Variants in DPP10 observed in about 807,000 individuals in gnomAD.
DPP10 encodes dipeptidyl peptidase like 10, also known as inactive dipeptidyl peptidase 10.
In DPP10, 33 loss-of-function variants were observed where a neutral mutation model predicts 120.9. That is an observed-to-expected ratio of 0.27 (90% CI 0.21 to 0.37). DPP10 has a LOEUF of 0.37. Ranked by LOEUF, DPP10 falls within the 10% of genes least tolerant of loss-of-function variation. The probability of loss-of-function intolerance (pLI) is 1.00; values close to 1 mark genes in which losing one functional copy is unlikely to be tolerated. For synonymous variants in DPP10, 337 were observed against 326.1 expected, an observed-to-expected ratio of 1.03 and a Z score of -0.36; for missense variants, 816 against 942.8, an observed-to-expected ratio of 0.87 and a Z score of 1.76.
chr2:114,800,557 A>G (rs1178602754), intron 1 of DPP10, among the ~76,000 whole-genome samples: 1 of 152,208 alleles, frequency 6.6e-6, no homozygotes, highest in Non-Finnish European at 1.5e-5. Flanking sequence ...CCATGAAAAT[A>G]GACACAGTGT....
chr2:115,055,352 A>G (rs1248097521), intron 1 of DPP10, among the ~76,000 whole-genome samples: 1 of 152,190 alleles, frequency 6.6e-6, no homozygotes, highest in Non-Finnish European at 1.5e-5. Context: ...AACTTACTCC[A>G]AAGACTACCA....
At chr2:114,574,356 T>C (rs1689894015) in intron 1 of DPP10, among the ~76,000 whole-genome samples, 2 of 152,152 alleles carry the variant, frequency 1.3e-5, no homozygotes, top group African/African-American at 4.8e-5. Flanking sequence ...ATCCCCGCCC[T>C]GCACAGCGTC....
At chr2:115,612,330 G>C (rs539984212) in intron 5 of DPP10, among the ~76,000 whole-genome samples, 1 of 152,258 alleles carries the variant, frequency 6.6e-6, no homozygotes, top group Admixed American at 6.5e-5. Context: ...GAAAGCAAGA[G>C]TGTTTTATTA....
intron 1 of DPP10, among the ~76,000 whole-genome samples, chr2:114,959,255 A>G (rs937882669): frequency 6.6e-6 from 1 of 152,176 alleles, no homozygotes. Flanking sequence ...TTTTAAGTAT[A>G]TTCACAATCA....
chr2:114,811,711 T>C (rs1319644822), intron 1 of DPP10, among the ~76,000 whole-genome samples: 1 of 151,946 alleles, frequency 6.6e-6, no homozygotes, highest in Non-Finnish European at 1.5e-5. Flanking sequence ...CAACCCCAGC[T>C]TTCCAGCTTC....
intron 1 of DPP10, among the ~76,000 whole-genome samples, chr2:114,698,235 G>A (rs546631169): frequency 6.6e-4 from 100 of 152,058 alleles, no homozygotes; most frequent in Non-Finnish European, 6.5e-4. Context: ...GGCTCTCTCT[G>A]AGGGAAGCCA....
rs528592093 is a variant in DPP10 at position 115,322,719 on chromosome 2, C to T, written c.175+13366C>T. ...TTGCAGGTTTAGTTTCAGAACACTG[C>T]AGTTAAACAACTATTCCAATAAAGC... On this transcript the variant is annotated intron_variant, in intron 2 of 25. Coordinates refer to ENST00000410059, the MANE Select transcript of DPP10 (RefSeq NM_020868.6). 2.6e-5 allele frequency among the ~76,000 whole-genome samples: 4 copies of T among 152,310 alleles called. No individual in the cohort carries two copies. The East Asian group carries it at 7.7e-4, about 29-fold the overall frequency.
intron 1 of DPP10, among the ~76,000 whole-genome samples, chr2:114,632,807 C>A (rs765749797): frequency 3.3e-5 from 5 of 152,106 alleles, no homozygotes; most frequent in African/African-American, 1.2e-4. Flanking sequence ...CCACTGTGCC[C>A]GGCCAGGGGG....
intron 1 of DPP10, among the ~76,000 whole-genome samples, chr2:114,884,189 G>C (rs1288466246): frequency 6.6e-6 from 1 of 152,114 alleles, no homozygotes; most frequent in East Asian, 1.9e-4. Context: ...TGGCAAGAAG[G>C]AAAAAGGGCC....
chr2:115,696,597 A>G (rs2091602946), intron 7 of DPP10, among the ~76,000 whole-genome samples: 2 of 152,212 alleles, frequency 1.3e-5, no homozygotes, highest in Non-Finnish European at 2.9e-5. Context: ...CCTGCCCTGC[A>G]AGAATTACTA....
chr2:115,462,135 C>G (rs2074024950), intron 3 of DPP10, among the ~76,000 whole-genome samples: 1 of 152,158 alleles, frequency 6.6e-6, no homozygotes, highest in African/African-American at 2.4e-5. Context: ...CTTGTATCTT[C>G]TGCTCTCCAA....
intron 7 of DPP10, 132 bp from the exon 8 acceptor site, chr2:115,727,684 C>T: frequency 2.1e-6 from 2 of 940,532 alleles, no homozygotes; most frequent in South Asian, 5.2e-5. Context: ...AAAACATATG[C>T]CTTGAATAAA....
chr2:114,485,465 T>G (rs1435488036), intron 1 of DPP10, among the ~76,000 whole-genome samples: 3 of 151,270 alleles, frequency 2.0e-5, no homozygotes, highest in Non-Finnish European at 2.9e-5. Flanking sequence ...AAAAACTGTT[T>G]TTTTTTTTTT....
intron 2 of DPP10, among the ~76,000 whole-genome samples, chr2:115,322,945 T>C (rs2062143359): frequency 6.6e-6 from 1 of 152,200 alleles, no homozygotes; most frequent in Non-Finnish European, 1.5e-5. Flanking sequence ...AGAGGGTCTT[T>C]CCTTGATGTT....
At chr2:115,478,977 C>T (rs2075264486) in intron 3 of DPP10, among the ~76,000 whole-genome samples, 1 of 152,124 alleles carries the variant, frequency 6.6e-6, no homozygotes, top group Admixed American at 6.5e-5. Context: ...ATTATAGCTG[C>T]TGTGGGAAAC....
intron 24 of DPP10, among the ~76,000 whole-genome samples, chr2:115,839,655 C>A (rs185123022): frequency 4.9e-4 from 59 of 119,198 alleles, no homozygotes; most frequent in Non-Finnish European, 8.2e-4. Context: ...GCCTGGGCAA[C>A]AGAGCAAGAC....
At chr2:114,598,707 TATA>T (rs1573756924) in intron 1 of DPP10, among the ~76,000 whole-genome samples, 1 of 151,928 alleles carries the variant, frequency 6.6e-6, no homozygotes, top group East Asian at 1.9e-4. Flanking sequence ...AAATATTAGT[TATA>T]ATAACATGGA....
chr2:115,048,886 G>A (rs942743556), intron 1 of DPP10, among the ~76,000 whole-genome samples: 7 of 151,910 alleles, frequency 4.6e-5, no homozygotes, highest in Non-Finnish European at 8.8e-5. Flanking sequence ...AATTCATTAT[G>A]TTTCTCCCTA....
At chr2:115,691,273 A>G (rs1179946750) in intron 7 of DPP10, among the ~76,000 whole-genome samples, 3 of 152,176 alleles carry the variant, frequency 2.0e-5, no homozygotes, top group African/African-American at 4.8e-5. Flanking sequence ...TATCAAATAC[A>G]TGATTTGTAC....
Sources: allele counts gnomAD v4.1 joint callset (sites outside exome capture counted in the v4.1 genomes callset), GRCh38; gene constraint gnomAD v4.1.1; transcripts MANE v1.5; gene names NCBI Gene and HGNC (gene_info 2026-07-23, HGNC 2026-07-21).